The following QTMAN variants were observed in gnomAD, a reference collection of about 807,000 sequenced individuals.
The protein encoded by QTMAN is queuosine-tRNA mannosyltransferase, also known as tRNA-queuosine alpha-mannosyltransferase.
At chr2:144,067,094 T>A in the QTMAN span, among the ~76,000 whole-genome samples, 1 of 152,222 alleles carries the variant, frequency 6.6e-6, no homozygotes, top group Non-Finnish European at 1.5e-5. Flanking sequence ...TTACACTCAT[T>A]ATTTTATTTA....
At chr2:144,132,743 G>T in the QTMAN span, among the ~76,000 whole-genome samples, 4 of 151,768 alleles carry the variant, frequency 2.6e-5, no homozygotes, top group Non-Finnish European at 5.9e-5. Flanking sequence ...TTGCTTTTCA[G>T]GTTGGAGTCA....
chr2:144,014,517 A>C, the QTMAN span, among the ~76,000 whole-genome samples: 1 of 152,212 alleles, frequency 6.6e-6, no homozygotes, highest in African/African-American at 2.4e-5. Context: ...GAGACTAGCT[A>C]TAAGTCAAAA....
chr2:144,214,511 T>C, the QTMAN span, among the ~76,000 whole-genome samples: 5 of 152,230 alleles, frequency 3.3e-5, no homozygotes, highest in South Asian at 1.0e-3. Context: ...CTGATCATTA[T>C]TCCATTATTT....
chr2:144,036,227 T>C, the QTMAN span, among the ~76,000 whole-genome samples: 7 of 152,222 alleles, frequency 4.6e-5, no homozygotes, highest in African/African-American at 7.2e-5. Context: ...CTCCATTATT[T>C]AAGCTTGCCT....
At chr2:144,107,702 T>G in the QTMAN span, among the ~76,000 whole-genome samples, 465 of 152,330 alleles carry the variant, frequency 3.1e-3, 2 homozygotes, top group African/African-American at 0.011. Flanking sequence ...CCATTCCTTC[T>G]GAAACTATTC....
At chr2:144,124,483 T>C in the QTMAN span, among the ~76,000 whole-genome samples, 1 of 152,038 alleles carries the variant, frequency 6.6e-6, no homozygotes. Flanking sequence ...GATGAAAGGG[T>C]CCATTTTCCT....
At chr2:144,267,959 G>A in the QTMAN span, among the ~76,000 whole-genome samples, 1 of 152,192 alleles carries the variant, frequency 6.6e-6, no homozygotes, top group Admixed American at 6.5e-5. Flanking sequence ...TGAAGGTGGG[G>A]CCAATGGGAG....
the QTMAN span, among the ~76,000 whole-genome samples, chr2:144,148,228 C>T: frequency 6.6e-6 from 1 of 151,586 alleles, no homozygotes; most frequent in African/African-American, 2.4e-5. Context: ...ATGTGAAATG[C>T]CATGATGTCT....
the QTMAN span, among the ~76,000 whole-genome samples, chr2:144,212,963 A>G: frequency 6.6e-6 from 1 of 152,234 alleles, no homozygotes; most frequent in East Asian, 1.9e-4. Context: ...TAAGATCACC[A>G]GAAGTCAAAA....
the QTMAN span, among the ~76,000 whole-genome samples, chr2:144,259,705 C>T: frequency 2.0e-5 from 3 of 152,094 alleles, no homozygotes; most frequent in African/African-American, 7.2e-5. Context: ...AATTAAGCTG[C>T]ACAGGCCAAT....
the QTMAN span, among the ~76,000 whole-genome samples, chr2:144,099,106 G>A: frequency 6.6e-6 from 1 of 152,150 alleles, no homozygotes; most frequent in African/African-American, 2.4e-5. Context: ...GCATATACAT[G>A]ACATATGCAT....
chr2:144,016,461 A>G, the QTMAN span, among the ~76,000 whole-genome samples: 2 of 152,202 alleles, frequency 1.3e-5, no homozygotes, highest in African/African-American at 2.4e-5. Flanking sequence ...ATCTCTTCCA[A>G]GCAAGAGGAA....
chr2:144,331,601 A>G, the QTMAN span, among the ~76,000 whole-genome samples: 1 of 152,256 alleles, frequency 6.6e-6, no homozygotes, highest in South Asian at 2.1e-4. Flanking sequence ...TCTCAAGATA[A>G]CCTAAAGCAG....
chr2:144,058,691 G>A, the QTMAN span, among the ~76,000 whole-genome samples: 1 of 152,086 alleles, frequency 6.6e-6, no homozygotes, highest in African/African-American at 2.4e-5. Context: ...ATCCAGGGAC[G>A]CTCCAAACTC....
At chr2:144,091,439 T>C in the QTMAN span, among the ~76,000 whole-genome samples, 1 of 152,140 alleles carries the variant, frequency 6.6e-6, no homozygotes, top group African/African-American at 2.4e-5. Context: ...AATTAAGAAC[T>C]TATTTTCTTC....
the QTMAN span, among the ~76,000 whole-genome samples, chr2:144,138,388 G>A: frequency 1.3e-5 from 2 of 151,930 alleles, no homozygotes; most frequent in Admixed American, 6.6e-5. Flanking sequence ...GGAGAGAAAT[G>A]AGGTAGTAGA....
chr2:143,991,789 G>T, the QTMAN span, among the ~76,000 whole-genome samples: 1 of 147,686 alleles, frequency 6.8e-6, no homozygotes, highest in Non-Finnish European at 1.5e-5. Flanking sequence ...GAGGTGGGGG[G>T]TCAGCCCCCT....
the QTMAN span, among the ~76,000 whole-genome samples, chr2:143,958,270 T>C: frequency 3.3e-5 from 5 of 152,118 alleles, no homozygotes; most frequent in East Asian, 9.6e-4. Flanking sequence ...TATTTTTTCA[T>C]ATCCTGAAAA....
chr2:144,230,642 A>C, the QTMAN span, among the ~76,000 whole-genome samples: 1 of 152,174 alleles, frequency 6.6e-6, no homozygotes, highest in Non-Finnish European at 1.5e-5. Context: ...TAAAAGCAAT[A>C]GGGAAATACC....
Sources: gnomAD v4.1 joint callset for allele counts (sites outside exome capture counted in the v4.1 genomes callset) on GRCh38, gnomAD v4.1.1 for gene constraint, MANE v1.5 for transcripts, NCBI Gene and HGNC (gene_info 2026-07-23, HGNC 2026-07-21) for gene names.